HAVCR1: variants seen among roughly 807,000 people sequenced by gnomAD.
HAVCR1 encodes hepatitis A virus cellular receptor 1.
In HAVCR1, 34 loss-of-function variants were observed where a neutral mutation model predicts 32.0. The observed-to-expected ratio is 1.06, with a 90% confidence interval of 0.81 to 1.42. The LOEUF (loss-of-function observed/expected upper bound fraction) is 1.42. Among genes scored for constraint, HAVCR1 ranks in the 40% most tolerant of loss-of-function variants. The pLI, the probability that HAVCR1 is intolerant of heterozygous loss-of-function variation, is 0.00. For synonymous variants in HAVCR1, 178 were observed against 170.3 expected (o/e 1.05, Z -0.35); for missense variants, 420 against 442.3 (o/e 0.95, Z 0.45).
chr5:157,056,421 C>T (rs1756149846), intron 2 of HAVCR1, among the ~76,000 whole-genome samples: 1 of 150,970 alleles, frequency 6.6e-6, no homozygotes, highest in South Asian at 2.1e-4. Context: ...GCTCTGTCGC[C>T]CAGGCTGGAG....
chr5:157,060,370 G>A (rs1398959623), upstream of HAVCR1, among the ~76,000 whole-genome samples: 1 of 151,940 alleles, frequency 6.6e-6, no homozygotes, highest in Admixed American at 6.6e-5. Flanking sequence ...TTTCCAACTT[G>A]CCTCAACCCT....
intron 8 of HAVCR1, among the ~76,000 whole-genome samples, chr5:157,032,607 G>A (rs1365628155): frequency 1.3e-5 from 2 of 152,212 alleles, no homozygotes; most frequent in Non-Finnish European, 2.9e-5. Flanking sequence ...TTGCAATTTA[G>A]TTATCTTGCC....
At chr5:157,062,527 A>G (rs963115340), upstream of HAVCR1, among the ~76,000 whole-genome samples, 2 of 152,166 alleles carry the variant, frequency 1.3e-5, no homozygotes, top group African/African-American at 4.8e-5. Flanking sequence ...TCACCACAGC[A>G]AGATCTTCTT....
intron 6 of HAVCR1, among the ~76,000 whole-genome samples, chr5:157,038,722 A>G (rs1044559646): frequency 6.6e-6 from 1 of 152,150 alleles, no homozygotes; most frequent in Non-Finnish European, 1.5e-5. Context: ...ATGTGGGTAG[A>G]TGGAGAATGG....
chr5:157,048,266 G>A (rs928550147), intron 5 of HAVCR1, among the ~76,000 whole-genome samples: 3 of 152,128 alleles, frequency 2.0e-5, no homozygotes, highest in African/African-American at 7.2e-5. Flanking sequence ...TTGTTTTAAG[G>A]CCCTGGCCCA....
At chr5:157,063,690 G>A (rs1047843233), upstream of HAVCR1, among the ~76,000 whole-genome samples, 1 of 152,214 alleles carries the variant, frequency 6.6e-6, no homozygotes, top group Non-Finnish European at 1.5e-5. Flanking sequence ...ATGCAAAAAA[G>A]GCAAAAGGAT....
Position 157,058,101 on chromosome 5 carries a change from A to T in HAVCR1, c.-12-146T>A, listed in dbSNP as rs564575772. The T allele has an allele frequency of 2.7e-5, 17 of 641,170 alleles. No homozygotes were observed. In the East Asian group the frequency reaches 4.7e-4, roughly 18 times the overall value. 39.7% of individuals were successfully genotyped at this position (641,170 alleles called of 1,614,324 possible). Reference sequence around the variant, plus strand: ...TCTGCTGGAAATGAGAGAAGACCACATATAACGGCTTCAGAGCTCTGTTAG... The same window carrying T: ...TCTGCTGGAAATGAGAGAAGACCACTTATAACGGCTTCAGAGCTCTGTTAG... On this transcript the variant is annotated intron_variant, in intron 1 of 8. Transcript: ENST00000523175.
At chr5:157,061,141 G>A (rs930250610), upstream of HAVCR1, among the ~76,000 whole-genome samples, 13 of 151,856 alleles carry the variant, frequency 8.6e-5, no homozygotes, top group Non-Finnish European at 1.5e-5. Context: ...CAAGTGATAC[G>A]CTCATCTCAA....
At chr5:157,062,542 C>T (rs1026461806), upstream of HAVCR1, among the ~76,000 whole-genome samples, 1 of 152,036 alleles carries the variant, frequency 6.6e-6, no homozygotes, top group African/African-American at 2.4e-5. Context: ...CTTCTTAGGC[C>T]CCCTCCACAA....
chr5:157,055,742 T>C (rs1382459572), intron 2 of HAVCR1, among the ~76,000 whole-genome samples: 1 of 151,692 alleles, frequency 6.6e-6, no homozygotes. Flanking sequence ...TGTAGTGGTG[T>C]AATCCCAGCT....
intron 1 of HAVCR1, 106 bp from the exon 2 acceptor site, chr5:157,058,061 T>C (rs558979136): frequency 4.7e-5 from 37 of 788,032 alleles, no homozygotes; most frequent in Admixed American, 4.5e-4. Flanking sequence ...AGTTGGTTGA[T>C]TCATATGAGC....
At chr5:157,059,370 G>A (rs1756411056), upstream of HAVCR1, among the ~76,000 whole-genome samples, 1 of 152,172 alleles carries the variant, frequency 6.6e-6, no homozygotes, top group Admixed American at 6.5e-5. Context: ...GTTTTGTATG[G>A]CAGCGTTTAA....
intron 7 of HAVCR1, among the ~76,000 whole-genome samples, chr5:157,033,815 C>A (rs537101760): frequency 6.6e-6 from 1 of 152,336 alleles, no homozygotes; most frequent in East Asian, 1.9e-4. Context: ...GCAATCCCAA[C>A]ACTTTGGGAG....
chr5:157,050,529 G>A (rs1393209), intron 4 of HAVCR1, among the ~76,000 whole-genome samples: 133,817 of 152,124 alleles, frequency 0.88, 58,969 homozygotes, highest in East Asian at 0.99. Flanking sequence ...ACTCTTTAGA[G>A]AACTATCCAG....
In HAVCR1 at chr5:157,052,513, G is replaced by C. The variant is rs61734035; in HGVS notation, c.521C>G (p.Thr174Arg). ...TTVPTTMSIPTTTTVLTTMTV... is the reference protein window; with the variant it reads ...TTVPTTMSIPRTTTVLTTMTV... ...CATTGTCGTCAGAACAGTCGTTGTC[G>C]TTGGAATGCTCATTGTTGTTGGAAC... Residue 174 changes from threonine to arginine, a missense_variant, in exon 4 of 9, where the codon ACG becomes AGG. Coordinates refer to ENST00000523175, the MANE Select transcript of HAVCR1 (RefSeq NM_001173393.3). 4 of 1,601,456 alleles carry C rather than the reference G, an allele frequency of 2.5e-6. No individual in the cohort carries two copies. Among genetic ancestry groups the C allele is most frequent in the Non-Finnish European group, 3.4e-6 (4 of 1,172,132 alleles).
At chr5:157,059,820 CAA>C (rs34583405), upstream of HAVCR1, among the ~76,000 whole-genome samples, 1 of 151,970 alleles carries the variant, frequency 6.6e-6, no homozygotes, top group Non-Finnish European at 1.5e-5. Context: ...TCCCTCTCTG[CAA>C]AAAAAACGAA....
intron 7 of HAVCR1, 139 bp downstream of exon 7, chr5:157,037,108 G>C: frequency 1.5e-6 from 1 of 681,352 alleles, no homozygotes. Context: ...GTATTACCAT[G>C]TGACTTTTAC....
At chr5:157,035,326 T>C (rs911032245) in intron 7 of HAVCR1, among the ~76,000 whole-genome samples, 35 of 152,166 alleles carry the variant, frequency 2.3e-4, no homozygotes, top group African/African-American at 8.4e-4. Context: ...CCAAACATAC[T>C]CTTAATTTTC....
chr5:157,060,393 G>A (rs540991407), upstream of HAVCR1, among the ~76,000 whole-genome samples: 97 of 151,944 alleles, frequency 6.4e-4, no homozygotes, highest in African/African-American at 2.1e-3. Flanking sequence ...GGCCTTTTCC[G>A]TGGCTGTGTT....
Sources: gnomAD v4.1 joint callset for allele counts (sites outside exome capture counted in the v4.1 genomes callset) on GRCh38, gnomAD v4.1.1 for gene constraint, MANE v1.5 for transcripts, NCBI Gene and HGNC (gene_info 2026-07-23, HGNC 2026-07-21) for gene names.